The following HLF variants were observed in gnomAD, a reference collection of about 807,000 sequenced individuals.
The protein encoded by HLF is hepatic leukemia factor.
HLF carries 3 observed loss-of-function variants against 22.6 expected under a neutral mutation model. That is an observed-to-expected ratio of 0.13 (90% CI 0.06 to 0.34). The LOEUF is 0.34. Ranked by LOEUF, HLF falls within the 10% of genes least tolerant of loss-of-function variation. HLF has a pLI of 1.00. For missense variants in HLF, 299 were observed against 389.2 expected (o/e 0.77, Z 1.95); for synonymous variants, 151 against 151.8 (o/e 0.99, Z 0.04).
intron 3 of HLF, among the ~76,000 whole-genome samples, chr17:55,317,068 A>T (rs1252926105): frequency 3.3e-5 from 5 of 150,612 alleles, no homozygotes; most frequent in Admixed American, 6.7e-5. Context: ...CCCCGGTTCA[A>T]GCCATCCTCA....
At position 55,281,553 on chromosome 17, in the gene HLF, C is replaced by T. The variant is rs1174409620; in HGVS notation, c.451+13467C>T. On this transcript the variant is annotated intron_variant, in intron 2 of 3. Coordinates refer to ENST00000226067, the MANE Select transcript of HLF (RefSeq NM_002126.5). ...AAACAAAAAATATCTCTGAGTCTGT[C>T]TCCCCTTTTATAAAAGAGTGAACAC... Among the ~76,000 whole-genome samples, 6 of 152,260 alleles carry T rather than the reference C, an allele frequency of 3.9e-5. No individual in the cohort carries two copies. The East Asian group carries it at 9.7e-4, about 25-fold the overall frequency.
intron 2 of HLF, among the ~76,000 whole-genome samples, chr17:55,295,092 C>G (rs947114315): frequency 6.6e-6 from 1 of 151,902 alleles, no homozygotes; most frequent in Non-Finnish European, 1.5e-5. Context: ...TTATGAATGG[C>G]GAAGAGATAT....
chr17:55,268,626 T>C (rs2080820041), intron 2 of HLF, among the ~76,000 whole-genome samples: 1 of 152,206 alleles, frequency 6.6e-6, no homozygotes, highest in Non-Finnish European at 1.5e-5. Flanking sequence ...GTTTTGTCAT[T>C]AGCTGAGAAG....
chr17:55,325,111 C>G lies in HLF; in HGVS notation c.*4232C>G, dbSNP rs536439778. On this transcript the variant is annotated 3_prime_UTR_variant, in exon 4 of 4. Coordinates refer to ENST00000226067, the MANE Select transcript of HLF (RefSeq NM_002126.5). Reference sequence around the variant, plus strand: ...AGTTGGCTAGCAATGGTATTCTGTTCCCACCTCGGTAGCAAAGAGACCATT... The same window carrying G: ...AGTTGGCTAGCAATGGTATTCTGTTGCCACCTCGGTAGCAAAGAGACCATT... 5.2e-6 allele frequency: 1 copy of G among 191,846 alleles called. No individual in the cohort carries two copies. The highest frequency in any genetic ancestry group is 2.3e-5 in the African/African-American group (1 of 42,926). 11.9% of individuals were successfully genotyped at this position (191,846 alleles called of 1,614,324 possible).
At chr17:55,289,048 A>T (rs535915663) in intron 2 of HLF, 59 of 453,054 alleles carry the variant, frequency 1.3e-4, no homozygotes, top group African/African-American at 8.9e-4. Flanking sequence ...AAATTTTTTT[A>T]AAAAAACATC....
rs1012399873 is a variant in HLF at position 55,322,816 on chromosome 17, G to A, written c.*1937G>A. ...CAGTTCTTTTCTACCCTGCGGGCCCGCACGTTTTATGAGGTTGATATCGGT... is the reference window on the plus strand; with the variant it reads ...CAGTTCTTTTCTACCCTGCGGGCCCACACGTTTTATGAGGTTGATATCGGT... On this transcript the variant is annotated 3_prime_UTR_variant, in exon 4 of 4. Transcript: ENST00000226067. 12 of 227,862 alleles carry A rather than the reference G, an allele frequency of 5.3e-5. 1 individual carries two copies. The South Asian group carries it at 5.5e-4, about 10-fold the overall frequency. 14.1% of individuals were successfully genotyped at this position (227,862 alleles called of 1,614,324 possible).
chr17:55,270,965 C>CT (rs2080850452), intron 2 of HLF, among the ~76,000 whole-genome samples: 1 of 152,128 alleles, frequency 6.6e-6, no homozygotes. Context: ...GTGTCTTACG[C>CT]TTTATAGGAT....
intron 2 of HLF, among the ~76,000 whole-genome samples, chr17:55,301,489 T>C (rs1004785618): frequency 3.3e-5 from 5 of 152,194 alleles, no homozygotes; most frequent in African/African-American, 1.2e-4. Flanking sequence ...AGTATAGACA[T>C]TGTGAGAGAA....
chr17:55,294,389 A>G (rs2081093521), intron 2 of HLF, among the ~76,000 whole-genome samples: 1 of 152,230 alleles, frequency 6.6e-6, no homozygotes, highest in African/African-American at 2.4e-5. Context: ...GCCCTCAGCC[A>G]GGTGAGTGGA....
At position 55,322,452 on chromosome 17, in the gene HLF, C is replaced by A. The variant is rs1905294102; in HGVS notation, c.*1573C>A. 1 of 204,190 alleles carries A rather than the reference C, an allele frequency of 4.9e-6. No homozygotes were observed. The allele number at this position is 204,190 out of a possible 1,614,324, so 12.6% of individuals were successfully genotyped here. ...TTATATAGCAAAGATATATATTCAC[C>A]AATGTTGTACAGAGAAGAAGTGCTT... is the stretch of plus-strand genomic sequence containing the variant. On this transcript the variant is annotated 3_prime_UTR_variant, in exon 4 of 4. Coordinates refer to ENST00000226067, the MANE Select transcript of HLF (RefSeq NM_002126.5).
rs559203277 is a variant in HLF at position 55,302,969 on chromosome 17, C to T, written c.452-12258C>T. ...TGGGCCCATTTGGCCCTACCTACTT[C>T]GCAGAGTTGTTAGGAGGGCAGAATG... On this transcript the variant is annotated intron_variant, in intron 2 of 3. Transcript: ENST00000226067. Among the ~76,000 whole-genome samples, 31 of 152,268 alleles carry T rather than the reference C, an allele frequency of 2.0e-4. No individual in the cohort carries two copies. The South Asian group carries it at 5.8e-3, about 29-fold the overall frequency.
At chr17:55,276,576 G>C (rs2080906231) in intron 2 of HLF, among the ~76,000 whole-genome samples, 1 of 152,210 alleles carries the variant, frequency 6.6e-6, no homozygotes, top group Non-Finnish European at 1.5e-5. Context: ...GATTGGAGAG[G>C]TTAATGCCCC....
chr17:55,277,876 T>C (rs1274159686), intron 2 of HLF, among the ~76,000 whole-genome samples: 3 of 152,204 alleles, frequency 2.0e-5, no homozygotes, highest in Non-Finnish European at 4.4e-5. Flanking sequence ...TTGTTTCTGT[T>C]AAATTGGCTT....
intron 2 of HLF, among the ~76,000 whole-genome samples, chr17:55,300,442 T>C (rs2081146973): frequency 6.6e-6 from 1 of 152,226 alleles, no homozygotes. Flanking sequence ...TACATTGCCC[T>C]TCTATAGCCT....
intron 2 of HLF, among the ~76,000 whole-genome samples, chr17:55,285,850 C>G (rs545095129): frequency 6.6e-6 from 1 of 152,196 alleles, no homozygotes; most frequent in South Asian, 2.1e-4. Flanking sequence ...TTATGAGTGT[C>G]GAGAGATAGG....
At chr17:55,282,651 A>G (rs1007805257) in intron 2 of HLF, among the ~76,000 whole-genome samples, 61 of 152,222 alleles carry the variant, frequency 4.0e-4, no homozygotes, top group Non-Finnish European at 7.3e-5. Flanking sequence ...CAGGTCACCA[A>G]ATCTCTCAAA....
chr17:55,321,102 A>T lies in HLF; in HGVS notation c.*223A>T, dbSNP rs1598412290. On this transcript the variant is annotated 3_prime_UTR_variant, in exon 4 of 4. Coordinates refer to ENST00000226067, the MANE Select transcript of HLF (RefSeq NM_002126.5). ...GTGTGCGTGTTCCTTTGCTCTTGCC[A>T]TTTTAAGGTAGCCCTCTCATCGTCT... 1 of 497,658 alleles carries T rather than the reference A, an allele frequency of 2.0e-6. No homozygotes were observed. Among genetic ancestry groups the T allele is most frequent in the Admixed American group, 3.4e-5 (1 of 29,618 alleles). 30.8% of individuals were successfully genotyped at this position (497,658 alleles called of 1,614,324 possible).
intron 2 of HLF, among the ~76,000 whole-genome samples, chr17:55,275,254 C>G (rs2080895102): frequency 1.3e-5 from 2 of 152,094 alleles, no homozygotes; most frequent in Admixed American, 6.6e-5. Flanking sequence ...CACCACCACA[C>G]CTGGCTAATT....
rs371358640 is a variant in HLF, at chr17:55,324,815, ATGTG to A, written c.*3948_*3951del. The stretch of plus-strand genomic sequence containing the variant: ...AGTGTGTGTGTGTGTGTGTGCGTGC[ATGTG>A]TGTGTGTGTGTATGTGTGTGAATAA... On this transcript the variant is annotated 3_prime_UTR_variant, in exon 4 of 4. Transcript: ENST00000226067. The A allele has an allele frequency of 2.9e-5, 6 of 208,514 alleles. No homozygotes were observed. The highest frequency in any genetic ancestry group is 6.7e-5 in the East Asian group (1 of 14,960). The allele number at this position is 208,514 out of a possible 1,614,324, so 12.9% of individuals were successfully genotyped here. A position where few individuals can be genotyped will look rare whatever the true frequency, so the allele number is the denominator to read the frequency against.
Sources: gnomAD v4.1 joint callset for allele counts (sites outside exome capture counted in the v4.1 genomes callset) on GRCh38, gnomAD v4.1.1 for gene constraint, MANE v1.5 for transcripts, NCBI Gene and HGNC (gene_info 2026-07-23, HGNC 2026-07-21) for gene names.